The following SCYL3 variants were observed in gnomAD, a reference collection of about 807,000 sequenced individuals.
SCYL3 encodes SCY1 like pseudokinase 3.
Under a neutral mutation model 73.8 loss-of-function variants are expected in SCYL3, and 35 were observed. The observed-to-expected ratio is 0.47, with a 90% CI of 0.36 to 0.63. SCYL3 has a LOEUF of 0.63. Ranked by LOEUF, SCYL3 falls within the 20% of genes least tolerant of loss-of-function variation. The pLI is 0.00. For synonymous variants in SCYL3, 277 were observed against 295.2 expected (o/e 0.94, Z 0.63); for missense variants, 712 against 798.9 (o/e 0.89, Z 1.31).
In SCYL3 at chr1:169,854,276, A is replaced by G; in HGVS notation, c.2001T>C (p.Ile667=). 2 of 1,601,656 alleles carry G rather than the reference A, an allele frequency of 1.2e-6. No homozygotes were observed. The highest frequency in any genetic ancestry group is 1.7e-6 in the Non-Finnish European group (2 of 1,175,180). Residue 667 remains isoleucine, a synonymous_variant, in exon 12 of 13, where the codon ATT becomes ATC. Transcript: ENST00000367771. ...ACTCCATAAAAGTACTCACCTCAGTAATTTCTGCTGCAGCAAATTTTGAGG... is the reference window on the plus strand; with the variant it reads ...ACTCCATAAAAGTACTCACCTCAGTGATTTCTGCTGCAGCAAATTTTGAGG... ...QFSSKFAAAE[I]TEGEAEGWEE... is the part of the protein sequence containing the mutation.
At chr1:169,878,529 T>C in intron 3 of SCYL3, 105 bp downstream of exon 3, 1 of 1,041,030 alleles carries the variant, frequency 9.6e-7, no homozygotes. Flanking sequence ...AACACTTAAC[T>C]TACAATTTCT....
intron 2 of SCYL3, among the ~76,000 whole-genome samples, chr1:169,885,600 C>T (rs1043134446): frequency 2.7e-5 from 4 of 147,530 alleles, no homozygotes; most frequent in Non-Finnish European, 4.5e-5. Context: ...AATGCAGATG[C>T]TTTTTTTTTT....
intron 8 of SCYL3, among the ~76,000 whole-genome samples, chr1:169,865,995 T>C (rs1660009216): frequency 6.6e-6 from 1 of 152,212 alleles, no homozygotes; most frequent in African/African-American, 2.4e-5. Flanking sequence ...AACTATAGGC[T>C]GATAACACCC....
Position 169,850,131 on chromosome 1 carries a change from T to TA in SCYL3, c.*3581dup. On this transcript the variant is annotated 3_prime_UTR_variant, in exon 13 of 13. Transcript: ENST00000367771. ...AGGGACCCTGAAGGAATCATGAGTT[T>TA]ATCACCTTTGAGGATCCTCTGGGAC... The TA allele has an allele frequency of 1.6e-6, 1 of 613,936 alleles. No homozygotes were observed. Among genetic ancestry groups the TA allele is most frequent in the Non-Finnish European group, 2.9e-6 (1 of 346,862 alleles). The allele number at this position is 613,936 out of a possible 1,614,324, so 38.0% of individuals were successfully genotyped here. A position where few individuals can be genotyped will look rare whatever the true frequency, so the allele number is the denominator to read the frequency against.
chr1:169,855,934 T>C (rs1659104240), intron 11 of SCYL3: 13 of 1,613,700 alleles, frequency 8.1e-6, no homozygotes, highest in Non-Finnish European at 1.1e-5. Flanking sequence ...CTGTGATGGC[T>C]GCAGACGACA....
chr1:169,893,720 C>G (rs1312501074), intron 1 of SCYL3, 68 bp downstream of exon 1: 1 of 151,716 alleles, frequency 6.6e-6, no homozygotes, highest in African/African-American at 2.4e-5. Flanking sequence ...GCCTCCTCCC[C>G]GCCCGGCCCC....
chr1:169,880,621 T>C (rs1331016794), intron 2 of SCYL3, among the ~76,000 whole-genome samples: 1 of 151,804 alleles, frequency 6.6e-6, no homozygotes, highest in East Asian at 1.9e-4. Flanking sequence ...AGAAAATTTC[T>C]TGCCAGAAGA....
At chr1:169,870,457 C>T in intron 5 of SCYL3, 100 bp from the exon 6 acceptor site, 1 of 722,058 alleles carries the variant, frequency 1.4e-6, no homozygotes, top group Non-Finnish European at 2.4e-6. Flanking sequence ...TTATTATACT[C>T]AAATCTATCT....
intron 2 of SCYL3, among the ~76,000 whole-genome samples, chr1:169,882,863 G>C (rs1007168925): frequency 6.6e-6 from 1 of 152,162 alleles, no homozygotes; most frequent in Non-Finnish European, 1.5e-5. Context: ...TGTCAAAACA[G>C]ACCACTGGGC....
At chr1:169,871,054 T>C (rs1660354622) in intron 5 of SCYL3, among the ~76,000 whole-genome samples, 1 of 151,726 alleles carries the variant, frequency 6.6e-6, no homozygotes, top group South Asian at 2.1e-4. Context: ...ATAATCATTC[T>C]TCTGTGCATC....
chr1:169,871,285 G>T (rs1033447087), intron 5 of SCYL3, among the ~76,000 whole-genome samples: 2 of 152,150 alleles, frequency 1.3e-5, no homozygotes, highest in African/African-American at 4.8e-5. Flanking sequence ...TGAATTATGG[G>T]GGGCAGGTCT....
rs747453794 is a variant in SCYL3 at position 169,859,170 on chromosome 1, T to C, written c.1183A>G (p.Ile395Val). The C allele has an allele frequency of 3.0e-5, 48 of 1,613,490 alleles. No homozygotes were observed. The highest frequency in any genetic ancestry group is 4.1e-5 in the Non-Finnish European group (48 of 1,179,882). The change falls in exon 11 of 13, where the codon ATT (isoleucine) becomes GTT (valine). Residue 395 changes from isoleucine (I) to valine (V), a missense_variant. Transcript: ENST00000367771. ...AGCACTGCTAGGCTATGCAGAGTAA[T>C]TGCCACAATGGAATCGCTAGTATCA... ...LRDTSDSIVAITLHSLAVLVS... is the reference protein window; with the variant it reads ...LRDTSDSIVAVTLHSLAVLVS...
intron 1 of SCYL3, among the ~76,000 whole-genome samples, chr1:169,891,914 T>G (rs1375483240): frequency 6.6e-6 from 1 of 152,200 alleles, no homozygotes; most frequent in East Asian, 1.9e-4. Context: ...ATAAAAGCAT[T>G]AGGAAGTAGT....
At position 169,854,528 on chromosome 1, in the gene SCYL3, C is replaced by T. The variant is rs551344610; in HGVS notation, c.1749G>A (p.Pro583=). The T allele has an allele frequency of 1.5e-5, 25 of 1,613,852 alleles. No homozygotes were observed. Among genetic ancestry groups the T allele is most frequent in the Middle Eastern group, 3.3e-4 (2 of 6,058 alleles). ...QRGDDADQIE[P]PKVSSQERPL... is the part of the protein sequence containing the mutation. Reference sequence around the variant, plus strand: ...GCCTTTCTTGTGATGACACTTTTGGCGGCTCGATTTGGTCTGCGTCATCCC... The same window carrying T: ...GCCTTTCTTGTGATGACACTTTTGGTGGCTCGATTTGGTCTGCGTCATCCC... The change falls in exon 12 of 13, where the codon CCG becomes CCA. Residue 583 remains proline, a synonymous_variant. Transcript: ENST00000367771.
chr1:169,893,225 C>T (rs1161886398), intron 1 of SCYL3, among the ~76,000 whole-genome samples: 1 of 152,208 alleles, frequency 6.6e-6, no homozygotes, highest in Non-Finnish European at 1.5e-5. Context: ...AGAAATGTTT[C>T]ATCTTTATTC....
intron 6 of SCYL3, among the ~76,000 whole-genome samples, chr1:169,869,317 A>G (rs1312900598): frequency 6.6e-6 from 1 of 152,184 alleles, no homozygotes; most frequent in African/African-American, 2.4e-5. Flanking sequence ...CCCAAAGAAG[A>G]AGGGCTAACA....
chr1:169,858,019 G>A (rs1659324018), intron 11 of SCYL3, among the ~76,000 whole-genome samples: 1 of 152,148 alleles, frequency 6.6e-6, no homozygotes, highest in African/African-American at 2.4e-5. Context: ...AGTTACCAGT[G>A]AATGAAGGCC....
intron 1 of SCYL3, among the ~76,000 whole-genome samples, chr1:169,893,077 G>T (rs958214204): frequency 6.6e-6 from 1 of 152,078 alleles, no homozygotes; most frequent in Non-Finnish European, 1.5e-5. Context: ...AGTCTTTATG[G>T]ACCAAAATAA....
intron 2 of SCYL3, among the ~76,000 whole-genome samples, chr1:169,885,466 G>C (rs530027910): frequency 6.6e-6 from 1 of 152,166 alleles, no homozygotes; most frequent in Non-Finnish European, 1.5e-5. Context: ...ATGAGACAAA[G>C]CCATAATTTC....
Sources: allele counts gnomAD v4.1 joint callset (sites outside exome capture counted in the v4.1 genomes callset), GRCh38; gene constraint gnomAD v4.1.1; transcripts MANE v1.5; gene names NCBI Gene and HGNC (gene_info 2026-07-23, HGNC 2026-07-21).